TENM2: variants seen among roughly 807,000 people sequenced by gnomAD.
TENM2 encodes the protein teneurin-2.
A neutral mutation model predicts 245.2 loss-of-function variants in TENM2; 52 were observed. The ratio of observed to expected loss-of-function variants is 0.21; its 90% confidence interval spans 0.17 to 0.27. TENM2 has a LOEUF of 0.27. Ranked by LOEUF, TENM2 falls within the 10% of genes least tolerant of loss-of-function variation. The pLI, the probability that TENM2 is intolerant of heterozygous loss-of-function variation, is 1.00. For synonymous variants in TENM2, 1,363 were observed against 1,438.9 expected (o/e 0.95, Z 1.19); for missense variants, 3,046 against 3,666.8 (o/e 0.83, Z 4.37).
At chr5:168,261,924 C>T (rs1768223371) in intron 28 of TENM2, 125 bp from the exon 31 acceptor site, 2 of 911,996 alleles carry the variant, frequency 2.2e-6, no homozygotes, top group Non-Finnish European at 3.3e-6. Context: ...CTCCCAACAG[C>T]TCAGATCTGG....
rs80061587 is a variant in TENM2, at chr5:167,771,086, A to G, written c.503-104900A>G. Reference sequence around the variant, plus strand: ...AGAAAGGAGAGGGGAGAGAGAAGAGAGAAAAAGAGAGCAACATCACTACAT... The same window carrying G: ...AGAAAGGAGAGGGGAGAGAGAAGAGGGAAAAAGAGAGCAACATCACTACAT... On this transcript the variant is annotated intron_variant, in intron 2 of 28. Coordinates refer to ENST00000518659, the Ensembl canonical transcript of TENM2. 2.1e-3 allele frequency among the ~76,000 whole-genome samples: 323 copies of G among 152,278 alleles called. 1 individual carries two copies. Among genetic ancestry groups the G allele is most frequent in the African/African-American group, 7.5e-3 (313 of 41,576 alleles).
the TENM2 span, among the ~76,000 whole-genome samples, chr5:167,172,402 A>G: frequency 2.0e-5 from 3 of 152,112 alleles, no homozygotes; most frequent in African/African-American, 7.2e-5. Context: ...TCATTGTCAG[A>G]TTTGGAACCT....
intron 28 of TENM2, among the ~76,000 whole-genome samples, chr5:168,261,306 C>A (rs2173017): frequency 6.6e-6 from 1 of 151,942 alleles, no homozygotes; most frequent in Non-Finnish European, 1.5e-5. Flanking sequence ...AGAACCAGGG[C>A]GAGGATCCAA....
At chr5:168,087,379 G>A (rs1205850398) in intron 7 of TENM2, 1 of 152,290 alleles carries the variant, frequency 6.6e-6, no homozygotes, top group African/African-American at 2.4e-5. Context: ...GGAGGCCAAG[G>A]CGGGCGGATC....
intron 7 of TENM2, among the ~76,000 whole-genome samples, chr5:168,068,533 G>T (rs903956574): frequency 6.6e-6 from 1 of 152,084 alleles, no homozygotes; most frequent in Non-Finnish European, 1.5e-5. Context: ...GTATGTTTGT[G>T]TATTAATAAA....
chr5:168,101,799 G>A (rs758032741), intron 9 of TENM2, among the ~76,000 whole-genome samples: 1 of 152,116 alleles, frequency 6.6e-6, no homozygotes, highest in East Asian at 1.9e-4. Context: ...TGGTTGAAGA[G>A]TGTTAGGAGT....
intron 2 of TENM2, among the ~76,000 whole-genome samples, chr5:167,842,086 C>T (rs1473623417): frequency 6.6e-6 from 1 of 151,990 alleles, no homozygotes; most frequent in African/African-American, 2.4e-5. Context: ...AACCATAGCC[C>T]TAAGGCTCAC....
At chr5:167,468,070 G>A (rs1766784997) in intron 2 of TENM2, among the ~76,000 whole-genome samples, 1 of 152,126 alleles carries the variant, frequency 6.6e-6, no homozygotes, top group Non-Finnish European at 1.5e-5. Flanking sequence ...CTGAGTAGCT[G>A]GGATTACAGG....
chr5:167,557,037 G>A (rs992380609), intron 2 of TENM2, among the ~76,000 whole-genome samples: 1 of 151,978 alleles, frequency 6.6e-6, no homozygotes, highest in East Asian at 1.9e-4. Context: ...AATCTTTATT[G>A]GCTTTGGGAA....
rs564570802 is a variant in TENM2, at chr5:168,135,840, C to T, written c.2422+8874C>T. 8.3e-4 allele frequency among the ~76,000 whole-genome samples: 126 copies of T among 152,252 alleles called. 1 individual carries two copies. Among genetic ancestry groups the T allele is most frequent in the Non-Finnish European group, 1.2e-3 (84 of 68,020 alleles). On this transcript the variant is annotated intron_variant, in intron 12 of 28. Coordinates refer to ENST00000518659, the Ensembl canonical transcript of TENM2. ...GACGAAACATCTGCAAAGTTGCATC[C>T]GGAAACATCTGAATAGCTACCAGCC...
intron 2 of TENM2, among the ~76,000 whole-genome samples, chr5:167,405,799 C>CACAT (rs1328597390): frequency 6.6e-6 from 1 of 151,438 alleles, no homozygotes; most frequent in Admixed American, 6.6e-5. Context: ...CACACACACA[C>CACAT]GCACACAGAG....
At position 167,958,947 on chromosome 5, in the gene TENM2, G is replaced by T. The variant is rs545937591; in HGVS notation, c.947+6125G>T. Among the ~76,000 whole-genome samples the T allele has an allele frequency of 8.5e-5, 13 of 152,114 alleles. No homozygotes were observed. The East Asian group carries it at 2.5e-3, about 29-fold the overall frequency. ...TCATTTCAACCTTGGTGAATCTGAC[G>T]ATTATGTGTCTTGGGGTTGCTCTTC... On this transcript the variant is annotated intron_variant, in intron 4 of 28. Transcript: ENST00000518659.
chr5:167,535,217 G>A (rs1771772602), intron 2 of TENM2, among the ~76,000 whole-genome samples: 1 of 151,790 alleles, frequency 6.6e-6, no homozygotes, highest in Non-Finnish European at 1.5e-5. Context: ...CGACACTCTA[G>A]CCACACTGTA....
chr5:167,495,246 T>G (rs1040915107), intron 2 of TENM2, among the ~76,000 whole-genome samples: 5 of 20,412 alleles, frequency 2.4e-4, no homozygotes, highest in South Asian at 5.0e-3. Flanking sequence ...TGTTTTTTGT[T>G]TTTTTTTTTT....
intron 2 of TENM2, among the ~76,000 whole-genome samples, chr5:167,803,503 T>C (rs1173846138): frequency 6.6e-6 from 1 of 152,038 alleles, no homozygotes. Context: ...CTGCTTTCTG[T>C]GTTGATGTTG....
intron 2 of TENM2, among the ~76,000 whole-genome samples, chr5:167,512,215 A>G (rs1162577492): frequency 6.6e-6 from 1 of 152,192 alleles, no homozygotes; most frequent in Non-Finnish European, 1.5e-5. Context: ...AAAGTATTTG[A>G]GAACAGCATA....
At position 168,231,490 on chromosome 5, in the gene TENM2, C is replaced by T. The variant is rs561727589; in HGVS notation, c.5520+3360C>T. 9.2e-5 allele frequency among the ~76,000 whole-genome samples: 14 copies of T among 152,292 alleles called. No individual in the cohort carries two copies. The South Asian group carries it at 2.9e-3, about 32-fold the overall frequency. The stretch of plus-strand genomic sequence containing the variant: ...GTAGGGTAGAAAAAGAAGATGCAGC[C>T]AGAGACTGCACATGGAAAAGAACAT... On this transcript the variant is annotated intron_variant, in intron 25 of 28. Coordinates refer to ENST00000518659, the Ensembl canonical transcript of TENM2.
intron 2 of TENM2, among the ~76,000 whole-genome samples, chr5:167,674,818 G>T (rs1428385875): frequency 2.0e-5 from 3 of 152,052 alleles, no homozygotes; most frequent in African/African-American, 7.2e-5. Context: ...CAGAATTTAG[G>T]TTGTGTTTCT....
chr5:168,010,851 T>G (rs1032081728), intron 5 of TENM2, among the ~76,000 whole-genome samples: 77 of 152,226 alleles, frequency 5.1e-4, no homozygotes, highest in Non-Finnish European at 5.9e-5. Context: ...CTCCGCATAT[T>G]CAATTTGGGG....
Sources: allele counts gnomAD v4.1 joint callset (sites outside exome capture counted in the v4.1 genomes callset), GRCh38; gene constraint gnomAD v4.1.1; transcripts MANE v1.5; gene names NCBI Gene and HGNC (gene_info 2026-07-23, HGNC 2026-07-21).